SPEF2: variants seen among roughly 807,000 people sequenced by gnomAD.
SPEF2 encodes sperm flagella and cilia-associated protein 2.
SPEF2 carries 187 observed loss-of-function variants against 224.6 expected under a neutral mutation model. That is an observed-to-expected ratio of 0.83 (90% CI 0.74 to 0.94). SPEF2 has a LOEUF of 0.94. Ranked by LOEUF, SPEF2 falls within the 40% of genes least tolerant of loss-of-function variation. The probability of loss-of-function intolerance (pLI) is 0.00; values close to 1 mark genes in which losing one functional copy is unlikely to be tolerated. For missense variants in SPEF2, 2,170 were observed against 2,135.6 expected, an observed-to-expected ratio of 1.02 and a Z score of -0.32; for synonymous variants, 715 against 707.3, an observed-to-expected ratio of 1.01 and a Z score of -0.17.
chr5:35,730,779 G>A (rs1383063311), intron 21 of SPEF2, among the ~76,000 whole-genome samples: 1 of 152,136 alleles, frequency 6.6e-6, no homozygotes, highest in Non-Finnish European at 1.5e-5. Flanking sequence ...CTAGTTATCA[G>A]GAAAGCATAT....
intron 10 of SPEF2, chr5:35,684,146 T>C (rs2149514523): frequency 6.6e-6 from 1 of 152,336 alleles, no homozygotes; most frequent in East Asian, 1.9e-4. Context: ...TTCTGATTCG[T>C]CATTACTAGT....
chr5:35,787,054 C>T (rs560238209), intron 30 of SPEF2, among the ~76,000 whole-genome samples: 1 of 152,258 alleles, frequency 6.6e-6, no homozygotes, highest in South Asian at 2.1e-4. Context: ...AGGCTCTCTG[C>T]CTTCAGGGAG....
intron 7 of SPEF2, among the ~76,000 whole-genome samples, chr5:35,657,457 TA>T (rs1372339295): frequency 1.3e-5 from 2 of 151,772 alleles, no homozygotes; most frequent in African/African-American, 2.4e-5. Flanking sequence ...TTGTTCAAGA[TA>T]GGGGTGGTGT....
intron 2 of SPEF2, among the ~76,000 whole-genome samples, chr5:35,636,759 G>A (rs1411751483): frequency 1.3e-5 from 2 of 152,006 alleles, no homozygotes; most frequent in African/African-American, 4.8e-5. Flanking sequence ...TGGATCACCT[G>A]AGGTCAAGAG....
intron 23 of SPEF2, among the ~76,000 whole-genome samples, chr5:35,753,266 A>T (rs1749951735): frequency 6.6e-6 from 1 of 152,120 alleles, no homozygotes; most frequent in Admixed American, 6.5e-5. Flanking sequence ...TTTTTCCACC[A>T]CCAATTGCCA....
chr5:35,682,863 G>A (rs970959010), intron 10 of SPEF2, among the ~76,000 whole-genome samples: 4 of 152,160 alleles, frequency 2.6e-5, no homozygotes, highest in Non-Finnish European at 5.9e-5. Flanking sequence ...AGAATGAGAT[G>A]CATGTGGTTT....
At chr5:35,648,364 G>GT (rs947881057) in intron 5 of SPEF2, among the ~76,000 whole-genome samples, 43 of 146,374 alleles carry the variant, frequency 2.9e-4, no homozygotes, top group Admixed American at 4.1e-4. Context: ...GTTGATTAAA[G>GT]TTTTTTTTTT....
intron 20 of SPEF2, among the ~76,000 whole-genome samples, chr5:35,724,996 A>T (rs1744388628): frequency 5.3e-5 from 8 of 151,982 alleles, no homozygotes; most frequent in Admixed American, 5.2e-4. Flanking sequence ...CTCCAGCTCT[A>T]CGCAGAGTAA....
intron 32 of SPEF2, among the ~76,000 whole-genome samples, chr5:35,794,252 T>C (rs563229097): frequency 6.6e-6 from 1 of 152,350 alleles, no homozygotes; most frequent in East Asian, 1.9e-4. Context: ...CCATTTCACA[T>C]TGCTGGTAGA....
chr5:35,686,484 C>T (rs986205602), intron 10 of SPEF2, among the ~76,000 whole-genome samples: 3 of 151,894 alleles, frequency 2.0e-5, no homozygotes, highest in African/African-American at 4.8e-5. Context: ...ACCATTTTAC[C>T]TATATGTGTA....
intron 2 of SPEF2, among the ~76,000 whole-genome samples, chr5:35,638,731 T>A (rs917064013): frequency 1.3e-5 from 2 of 152,314 alleles, no homozygotes; most frequent in East Asian, 1.9e-4. Context: ...GTTTAATGAA[T>A]GATAAATGAA....
At chr5:35,749,527 A>G (rs550934428) in intron 23 of SPEF2, among the ~76,000 whole-genome samples, 5 of 152,270 alleles carry the variant, frequency 3.3e-5, no homozygotes, top group African/African-American at 1.2e-4. Flanking sequence ...AGATTAATGT[A>G]CACAAATCAG....
intron 27 of SPEF2, among the ~76,000 whole-genome samples, chr5:35,772,660 A>G (rs1450762246): frequency 5.3e-5 from 8 of 152,170 alleles, no homozygotes; most frequent in Non-Finnish European, 1.2e-4. Context: ...AGGAAAGGGA[A>G]GAGTATTACC....
chr5:35,660,382 TTATTTAC>T (rs1348398124), intron 8 of SPEF2, among the ~76,000 whole-genome samples: 1 of 152,204 alleles, frequency 6.6e-6, no homozygotes, highest in East Asian at 1.9e-4. Context: ...GGGCAGTGTT[TTATTTAC>T]TAGCTTCATA....
intron 36 of SPEF2, among the ~76,000 whole-genome samples, chr5:35,807,463 G>T (rs1004403731): frequency 3.9e-5 from 6 of 152,174 alleles, no homozygotes; most frequent in African/African-American, 1.4e-4. Flanking sequence ...ACATTTGATA[G>T]GTGGTAGTTA....
At chr5:35,648,453 T>C (rs1316505601) in intron 5 of SPEF2, among the ~76,000 whole-genome samples, 1 of 151,660 alleles carries the variant, frequency 6.6e-6, no homozygotes, top group Non-Finnish European at 1.5e-5. Context: ...GGTAAAATCA[T>C]GGATCATTGC....
At chr5:35,725,849 C>T (rs1220594326) in intron 20 of SPEF2, among the ~76,000 whole-genome samples, 3 of 152,084 alleles carry the variant, frequency 2.0e-5, no homozygotes, top group Non-Finnish European at 4.4e-5. Flanking sequence ...CTATCAGGTT[C>T]TTACAACAAA....
At chr5:35,700,904 G>A (rs1580344668) in intron 16 of SPEF2, 152 bp downstream of exon 16, 2 of 928,720 alleles carry the variant, frequency 2.2e-6, no homozygotes, top group Non-Finnish European at 3.1e-6. Flanking sequence ...GTTGCCTCTT[G>A]CTTTGACTGT....
intron 2 of SPEF2, among the ~76,000 whole-genome samples, chr5:35,635,843 C>CT (rs1213170813): frequency 6.6e-6 from 1 of 151,546 alleles, no homozygotes; most frequent in Non-Finnish European, 1.5e-5. Flanking sequence ...GTGTGCTGCA[C>CT]TTTTTTTTTC....
Sources: gnomAD v4.1 joint callset for allele counts (sites outside exome capture counted in the v4.1 genomes callset) on GRCh38, gnomAD v4.1.1 for gene constraint, MANE v1.5 for transcripts, NCBI Gene and HGNC (gene_info 2026-07-23, HGNC 2026-07-21) for gene names.